The following SORCS2 variants were observed in gnomAD, a reference collection of about 807,000 sequenced individuals.
The protein encoded by SORCS2 is sortilin related VPS10 domain containing receptor 2, also known as VPS10 domain-containing receptor SorCS2.
A neutral mutation model predicts 141.6 loss-of-function variants in SORCS2; 100 were observed. The observed-to-expected ratio is 0.71, with a 90% CI of 0.60 to 0.83. The LOEUF is 0.83. SORCS2 is among the 40% of genes least tolerant of loss of function. The pLI is 0.00. For missense variants in SORCS2, 1,646 were observed against 1,560.2 expected (o/e 1.05, Z -0.93); for synonymous variants, 789 against 676.9 (o/e 1.17, Z -2.57).
intron 2 of SORCS2, among the ~76,000 whole-genome samples, chr4:7,449,294 C>T (rs988639329): frequency 7.1e-5 from 1 of 14,062 alleles, no homozygotes; most frequent in Non-Finnish European, 1.5e-4. Flanking sequence ...TTCCTCCCTC[C>T]CTTCCTCCCC....
intron 9 of SORCS2, among the ~76,000 whole-genome samples, chr4:7,679,371 G>A (rs1382720554): frequency 6.6e-6 from 1 of 152,196 alleles, no homozygotes; most frequent in African/African-American, 2.4e-5. Context: ...AATAGACATC[G>A]AAATGGTGGC....
rs375800255 is a variant in SORCS2 at position 7,649,480 on chromosome 4, A to C, written c.814-4654A>C. Among the ~76,000 whole-genome samples, 10 of 152,168 alleles carry C rather than the reference A, an allele frequency of 6.6e-5. No individual in the cohort carries two copies. The East Asian group carries it at 1.6e-3, about 24-fold the overall frequency. ...AGCTGCAGGACCGAGGGCTGAGAGC[A>C]GGGGTCCACGGAGATGGTGTGGCCC... On this transcript the variant is annotated intron_variant, in intron 4 of 26. Transcript: ENST00000507866.
intron 2 of SORCS2, among the ~76,000 whole-genome samples, chr4:7,518,807 C>T (rs1204396314): frequency 2.6e-5 from 4 of 151,912 alleles, no homozygotes; most frequent in Admixed American, 1.3e-4. Flanking sequence ...ACTCAGCCTG[C>T]CCCCCCGGCC....
At chr4:7,601,620 A>G (rs1195909979) in intron 3 of SORCS2, among the ~76,000 whole-genome samples, 2 of 144,678 alleles carry the variant, frequency 1.4e-5, no homozygotes, top group Non-Finnish European at 3.0e-5. Context: ...CTCTCTCAAA[A>G]AAAAAAAAAA....
At chr4:7,510,562 C>G (rs1487367715) in intron 2 of SORCS2, among the ~76,000 whole-genome samples, 1 of 151,862 alleles carries the variant, frequency 6.6e-6, no homozygotes, top group Non-Finnish European at 1.5e-5. Flanking sequence ...GCGGCATGTC[C>G]AGGAAATGCG....
At chr4:7,202,695 T>C (rs986541200) in intron 1 of SORCS2, among the ~76,000 whole-genome samples, 1 of 152,160 alleles carries the variant, frequency 6.6e-6, no homozygotes, top group Admixed American at 6.5e-5. Context: ...TCCATTCAGA[T>C]CAATTTTAAT....
intron 14 of SORCS2, among the ~76,000 whole-genome samples, chr4:7,712,417 G>T (rs1725879094): frequency 6.6e-6 from 1 of 152,222 alleles, no homozygotes; most frequent in Non-Finnish European, 1.5e-5. Context: ...ACTCTGCTGT[G>T]GATCTGGGCC....
At chr4:7,640,927 A>C (rs1008209023) in intron 4 of SORCS2, among the ~76,000 whole-genome samples, 12 of 152,108 alleles carry the variant, frequency 7.9e-5, no homozygotes, top group Admixed American at 6.6e-5. Context: ...GGCTAGAGGA[A>C]AGAGGCTGTG....
In SORCS2 at chr4:7,741,230, A is replaced by T. The variant is rs1230484838; in HGVS notation, c.*966A>T. On this transcript the variant is annotated 3_prime_UTR_variant, in exon 27 of 27. Coordinates refer to ENST00000507866, the MANE Select transcript of SORCS2 (RefSeq NM_020777.3). ...GGAACCGGGTGGAAACCAAGCTGGG[A>T]GAGGCTGAGGATGGCAGGGCTGGAA... 1 of 398,692 alleles carries T rather than the reference A, an allele frequency of 2.5e-6. No individual in the cohort carries two copies. Among genetic ancestry groups the T allele is most frequent in the Non-Finnish European group, 4.4e-6 (1 of 226,112 alleles). 24.7% of individuals were successfully genotyped at this position (398,692 alleles called of 1,614,324 possible). A position where few individuals can be genotyped will look rare whatever the true frequency, so the allele number is the denominator to read the frequency against.
At chr4:7,195,837 G>A (rs1727136767) in intron 1 of SORCS2, among the ~76,000 whole-genome samples, 1 of 152,174 alleles carries the variant, frequency 6.6e-6, no homozygotes, top group Admixed American at 6.5e-5. Flanking sequence ...AAACTCACAC[G>A]GCTGGTTTGC....
chr4:7,670,565 C>T (rs1030158080), intron 8 of SORCS2, among the ~76,000 whole-genome samples: 1 of 152,002 alleles, frequency 6.6e-6, no homozygotes, highest in African/African-American at 2.4e-5. Flanking sequence ...AGCAGGATGC[C>T]CCAGAATCCA....
Position 7,704,253 on chromosome 4 carries a change from AGT to A in SORCS2, c.1839_1840del (p.Ser613ArgfsTer100). The A allele has an allele frequency of 6.2e-7, 1 of 1,612,728 alleles. No homozygotes were observed. The highest frequency in any genetic ancestry group is 8.5e-7 in the Non-Finnish European group (1 of 1,179,540). On this transcript the variant is annotated frameshift_variant, in exon 14 of 27. Coordinates refer to ENST00000507866, the MANE Select transcript of SORCS2 (RefSeq NM_020777.3). LOFTEE classifies it high-confidence loss of function. ...CTCGGTGTTTGTGGACGGGCTGCTG[AGT>A]GAGCCAGGGGACGAGACGCTGGTCA... ...STSVFVDGLL[S>X]EPGDETLVMT...
intron 1 of SORCS2, among the ~76,000 whole-genome samples, chr4:7,349,006 C>T (rs912364668): frequency 6.6e-6 from 1 of 152,224 alleles, no homozygotes; most frequent in Non-Finnish European, 1.5e-5. Context: ...CACCCCTTCC[C>T]CCCTCTGGCT....
intron 2 of SORCS2, among the ~76,000 whole-genome samples, chr4:7,478,952 C>A (rs539232311): frequency 2.6e-5 from 4 of 152,318 alleles, no homozygotes; most frequent in African/African-American, 9.6e-5. Context: ...GACGGGCTCT[C>A]CTGATAGCTT....
In SORCS2 at chr4:7,270,324, C is replaced by T. The variant is rs536413569; in HGVS notation, c.480+77198C>T. On this transcript the variant is annotated intron_variant, in intron 1 of 26. Transcript: ENST00000507866. ...CAGTGTGCTGCGTTCCAGAAATAAACGTCAAGTGGCAGCTCCCCACGGCTG... is the reference window on the plus strand; with the variant it reads ...CAGTGTGCTGCGTTCCAGAAATAAATGTCAAGTGGCAGCTCCCCACGGCTG... Among the ~76,000 whole-genome samples the T allele has an allele frequency of 1.5e-3, 233 of 152,390 alleles. 3 individuals are homozygous for T. Among genetic ancestry groups the T allele is most frequent in the African/African-American group, 5.1e-3 (214 of 41,598 alleles).
chr4:7,609,815 C>T (rs1718293800), intron 3 of SORCS2, among the ~76,000 whole-genome samples: 1 of 152,244 alleles, frequency 6.6e-6, no homozygotes, highest in Non-Finnish European at 1.5e-5. Context: ...GGTGACTTGT[C>T]TCTTGTGTAT....
chr4:7,741,167 C>T lies in SORCS2; in HGVS notation c.*903C>T, dbSNP rs897337196. ...GAAAGGTGGGTGGTGGAGACGGCACCAGATGTACCAGTTTTCTGCAGTTCC... is the reference window on the plus strand; with the variant it reads ...GAAAGGTGGGTGGTGGAGACGGCACTAGATGTACCAGTTTTCTGCAGTTCC... On this transcript the variant is annotated 3_prime_UTR_variant, in exon 27 of 27. Coordinates refer to ENST00000507866, the MANE Select transcript of SORCS2 (RefSeq NM_020777.3). 5.0e-6 allele frequency: 2 copies of T among 398,678 alleles called. No individual in the cohort carries two copies. Among genetic ancestry groups the T allele is most frequent in the Middle Eastern group, 6.3e-4 (1 of 1,588 alleles). The allele number at this position is 398,678 out of a possible 1,614,324, so 24.7% of individuals were successfully genotyped here.
At chr4:7,211,625 G>A (rs1215224604) in intron 1 of SORCS2, among the ~76,000 whole-genome samples, 4 of 152,008 alleles carry the variant, frequency 2.6e-5, no homozygotes, top group Admixed American at 2.6e-4. Context: ...CCCCTGCCTC[G>A]GCCTCCCAAA....
chr4:7,339,036 G>A (rs1194180831), intron 1 of SORCS2, among the ~76,000 whole-genome samples: 4 of 152,238 alleles, frequency 2.6e-5, no homozygotes, highest in Non-Finnish European at 5.9e-5. Flanking sequence ...TCTTGGCCAA[G>A]ACGGGCTCTT....
Sources: gnomAD v4.1 joint callset for allele counts (sites outside exome capture counted in the v4.1 genomes callset) on GRCh38, gnomAD v4.1.1 for gene constraint, MANE v1.5 for transcripts, NCBI Gene and HGNC (gene_info 2026-07-23, HGNC 2026-07-21) for gene names.